Variants in CDC42BPA observed in about 807,000 individuals in gnomAD.
CDC42BPA encodes CDC42 binding protein kinase alpha, also known as serine/threonine-protein kinase MRCK alpha.
CDC42BPA carries 80 observed loss-of-function variants against 223.5 expected under a neutral mutation model. That is an observed-to-expected ratio of 0.36 (90% CI 0.30 to 0.43). The LOEUF (loss-of-function observed/expected upper bound fraction) is 0.43, where lower values mean the gene tolerates loss of function less well. CDC42BPA is among the 20% of genes least tolerant of loss of function. The pLI, the probability that CDC42BPA is intolerant of heterozygous loss-of-function variation, is 1.00. For missense variants in CDC42BPA, 1,743 were observed against 2,099.9 expected (o/e 0.83, Z 3.32); for synonymous variants, 694 against 718.6 (o/e 0.97, Z 0.55).
At position 226,993,259 on chromosome 1, in the gene CDC42BPA, A is replaced by T. The variant is rs2148192714; in HGVS notation, c.*1009T>A. On this transcript the variant is annotated 3_prime_UTR_variant, in exon 37 of 37. Transcript: ENST00000366766. Reference sequence around the variant, plus strand: ...ACACTCCTTGTAACCTTTCAGATGGAAGGGATCAGAGGTGACAGAATCGTG... The same window carrying T: ...ACACTCCTTGTAACCTTTCAGATGGTAGGGATCAGAGGTGACAGAATCGTG... 1 of 152,334 alleles carries T rather than the reference A, an allele frequency of 6.6e-6. No homozygotes were observed. Among genetic ancestry groups the T allele is most frequent in the African/African-American group, 2.4e-5 (1 of 41,576 alleles). The allele number at this position is 152,334 out of a possible 1,614,324, so 9.4% of individuals were successfully genotyped here.
At chr1:227,011,643 A>C (rs1665231877) in intron 34 of CDC42BPA, among the ~76,000 whole-genome samples, 2 of 152,212 alleles carry the variant, frequency 1.3e-5, no homozygotes, top group African/African-American at 2.4e-5. Context: ...ACCCAAAAAG[A>C]ACATGTTTGT....
At chr1:227,281,224 A>C (rs1687963722) in intron 1 of CDC42BPA, among the ~76,000 whole-genome samples, 1 of 152,226 alleles carries the variant, frequency 6.6e-6, no homozygotes, top group Admixed American at 6.5e-5. Flanking sequence ...CCTTTTAATC[A>C]ATCATTAGAA....
chr1:227,004,231 A>T (rs1663541261), intron 35 of CDC42BPA: 1 of 152,130 alleles, frequency 6.6e-6, no homozygotes, highest in Non-Finnish European at 1.5e-5. Context: ...TTCATCATCA[A>T]GTCTTACTGC....
At chr1:227,236,368 AC>A (rs1285383101) in intron 2 of CDC42BPA, among the ~76,000 whole-genome samples, 1 of 152,184 alleles carries the variant, frequency 6.6e-6, no homozygotes, top group Non-Finnish European at 1.5e-5. Context: ...TTCAAAAAAA[AC>A]AAATACCTCT....
chr1:227,085,417 C>T (rs1280885990), intron 16 of CDC42BPA, among the ~76,000 whole-genome samples: 1 of 152,230 alleles, frequency 6.6e-6, no homozygotes, highest in Non-Finnish European at 1.5e-5. Flanking sequence ...GTGGGTCAGA[C>T]AAAAACAATC....
chr1:227,089,986 A>T (rs962097455), intron 16 of CDC42BPA, among the ~76,000 whole-genome samples: 5 of 151,474 alleles, frequency 3.3e-5, no homozygotes, highest in Admixed American at 6.6e-5. Context: ...TAAATTTTGT[A>T]ATCAAATTAG....
At chr1:227,095,724 T>C (rs1683866822) in intron 15 of CDC42BPA, among the ~76,000 whole-genome samples, 1 of 151,914 alleles carries the variant, frequency 6.6e-6, no homozygotes, top group South Asian at 2.1e-4. Flanking sequence ...CTGGAGTAGC[T>C]GGGATTACAG....
At position 227,317,524 on chromosome 1, in the gene CDC42BPA, A is replaced by AC. The variant is rs1486093909; in HGVS notation, c.-343_-342insG. Reference sequence around the variant, plus strand: ...TCAACACTTCTTTAAAAAAAAAAAAAAAAACTCTTCTCCTTCATTCAAAAT... The same window carrying AC: ...TCAACACTTCTTTAAAAAAAAAAAAACAAAACTCTTCTCCTTCATTCAAAAT... On this transcript the variant is annotated 5_prime_UTR_variant, in exon 1 of 37. The change abolishes the stop of an existing upstream ORF in the 5' untranslated region. Transcript: ENST00000366766. 5.0e-6 allele frequency: 2 copies of AC among 398,562 alleles called. No individual in the cohort carries two copies. Among genetic ancestry groups the AC allele is most frequent in the African/African-American group, 2.1e-5 (1 of 48,598 alleles). 24.7% of individuals were successfully genotyped at this position (398,562 alleles called of 1,614,324 possible). A position where few individuals can be genotyped will look rare whatever the true frequency, so the allele number is the denominator to read the frequency against.
intron 1 of CDC42BPA, among the ~76,000 whole-genome samples, chr1:227,291,420 G>A (rs1450425508): frequency 1.3e-5 from 2 of 152,026 alleles, no homozygotes; most frequent in African/African-American, 2.4e-5. Context: ...ATGGTGGCAC[G>A]CGCCTGTCAT....
Position 227,138,524 on chromosome 1 carries a change from CAA to C in CDC42BPA, c.1390+1050_1390+1051del, listed in dbSNP as rs61617075. Among the ~76,000 whole-genome samples, 224 of 96,150 alleles carry C rather than the reference CAA, an allele frequency of 2.3e-3. 3 individuals carry two copies. The highest frequency in any genetic ancestry group is 9.7e-3 in the South Asian group (23 of 2,380). The allele number at this position is 96,150 out of a possible 152,430, so 63.1% of individuals were successfully genotyped here. On this transcript the variant is annotated intron_variant, in intron 10 of 36. Transcript: ENST00000366766. The stretch of plus-strand genomic sequence containing the variant: ...CCAGGAGATAAAGTGCCCCAGAAGC[CAA>C]AAAAAAAAAAAGAGAGCGTTATCAG...
At chr1:227,315,578 T>TAAAA (rs10635986) in intron 1 of CDC42BPA, among the ~76,000 whole-genome samples, 15,781 of 148,386 alleles carry the variant, frequency 0.11, 1,109 homozygotes, top group African/African-American at 0.2. Context: ...CTTTAAGTCT[T>TAAAA]AAAAAAAAAA....
chr1:227,065,540 A>G (rs1676865739), intron 21 of CDC42BPA, among the ~76,000 whole-genome samples: 1 of 152,274 alleles, frequency 6.6e-6, no homozygotes, highest in Non-Finnish European at 1.5e-5. Flanking sequence ...TAAAAAGGAA[A>G]GCATGTTGCT....
At chr1:227,065,797 G>A (rs1035818435) in intron 21 of CDC42BPA, among the ~76,000 whole-genome samples, 2 of 152,142 alleles carry the variant, frequency 1.3e-5, no homozygotes, top group Non-Finnish European at 2.9e-5. Context: ...TGAGAACACT[G>A]GGTTCCCAGA....
At chr1:227,172,930 T>C (rs532655724) in intron 5 of CDC42BPA, among the ~76,000 whole-genome samples, 1 of 152,282 alleles carries the variant, frequency 6.6e-6, no homozygotes, top group South Asian at 2.1e-4. Flanking sequence ...GTATAGCCAA[T>C]AGCATCTGAT....
intron 2 of CDC42BPA, among the ~76,000 whole-genome samples, chr1:227,216,067 A>G (rs1272605529): frequency 6.6e-6 from 1 of 152,210 alleles, no homozygotes; most frequent in African/African-American, 2.4e-5. Flanking sequence ...TTCACAGTAT[A>G]ATGTTAAACA....
intron 10 of CDC42BPA, among the ~76,000 whole-genome samples, chr1:227,136,592 T>C (rs564761381): frequency 6.6e-6 from 1 of 152,334 alleles, no homozygotes; most frequent in South Asian, 2.1e-4. Flanking sequence ...CGTACGTGAA[T>C]CACAGTCCAA....
intron 2 of CDC42BPA, among the ~76,000 whole-genome samples, chr1:227,253,243 A>AGAGCGAGAGAGC (rs1682365246): frequency 7.1e-6 from 1 of 140,134 alleles, no homozygotes; most frequent in East Asian, 2.1e-4. Context: ...AGAGAGAAAG[A>AGAGCGAGAGAGC]GAGCGAGAGA....
chr1:227,200,465 GAAAGA>G (rs1671564183), intron 3 of CDC42BPA, among the ~76,000 whole-genome samples: 1 of 144,754 alleles, frequency 6.9e-6, no homozygotes, highest in South Asian at 2.2e-4. Flanking sequence ...ACGAAAGAAA[GAAAGA>G]AAACAAAAAC....
chr1:227,207,198 T>A (rs1037218371), intron 3 of CDC42BPA, among the ~76,000 whole-genome samples: 24 of 150,270 alleles, frequency 1.6e-4, no homozygotes, highest in Middle Eastern at 6.8e-3. Flanking sequence ...TTTTTTGTCC[T>A]TGCGATAGTT....
Sources: gnomAD v4.1 joint callset for allele counts (sites outside exome capture counted in the v4.1 genomes callset) on GRCh38, gnomAD v4.1.1 for gene constraint, MANE v1.5 for transcripts, NCBI Gene and HGNC (gene_info 2026-07-23, HGNC 2026-07-21) for gene names.